PHKB: variants seen among roughly 807,000 people sequenced by gnomAD.
PHKB encodes the protein phosphorylase b kinase regulatory subunit beta.
PHKB carries 122 observed loss-of-function variants against 152.1 expected under a neutral mutation model. That is an observed-to-expected ratio of 0.80 (90% CI 0.69 to 0.93). The LOEUF is 0.93. Ranked by LOEUF, PHKB falls within the 40% of genes least tolerant of loss-of-function variation. The probability of loss-of-function intolerance (pLI) is 0.00; values close to 1 mark genes in which losing one functional copy is unlikely to be tolerated. For missense variants in PHKB, 1,304 were observed against 1,328.4 expected (o/e 0.98, Z 0.29); for synonymous variants, 436 against 464.9 (o/e 0.94, Z 0.80).
rs770163832 is a variant in PHKB, at chr16:47,693,443, G to A, written c.2831G>A (p.Arg944Gln). Reference sequence around the variant, plus strand: ...AGAACTCCCACCGGGTTCTATGACCGAGTGTGGCAGATTCTGGAGCGCACG... The same window carrying A: ...AGAACTCCCACCGGGTTCTATGACCAAGTGTGGCAGATTCTGGAGCGCACG... ...LNRTPTGFYD[R>Q]VWQILERTPN... The change falls in exon 28 of 31, where the codon CGA becomes CAA. Residue 944 changes from arginine (R) to glutamine (Q), a missense_variant. Coordinates refer to ENST00000323584, the MANE Select transcript of PHKB (RefSeq NM_000293.3). The A allele has an allele frequency of 1.1e-5, 17 of 1,613,830 alleles. No individual in the cohort carries two copies. The highest frequency in any genetic ancestry group is 6.7e-5 in the African/African-American group (5 of 74,892).
At chr16:47,522,012 A>G (rs1335263818) in intron 6 of PHKB, among the ~76,000 whole-genome samples, 1 of 152,134 alleles carries the variant, frequency 6.6e-6, no homozygotes, top group Admixed American at 6.5e-5. Flanking sequence ...ATATTGGTAT[A>G]TATCCATTCT....
At chr16:47,521,166 T>C (rs1327532575) in intron 6 of PHKB, among the ~76,000 whole-genome samples, 1 of 152,254 alleles carries the variant, frequency 6.6e-6, no homozygotes, top group Non-Finnish European at 1.5e-5. Context: ...AGGTTTTCTA[T>C]GTAGAATATT....
At chr16:47,526,473 T>G (rs948685470) in intron 6 of PHKB, among the ~76,000 whole-genome samples, 1 of 151,822 alleles carries the variant, frequency 6.6e-6, no homozygotes, top group African/African-American at 2.4e-5. Flanking sequence ...AGGTTGAGAG[T>G]TGGGACTGAA....
chr16:47,591,684 A>G (rs879791839), intron 10 of PHKB, among the ~76,000 whole-genome samples: 1 of 151,930 alleles, frequency 6.6e-6, no homozygotes, highest in Non-Finnish European at 1.5e-5. Context: ...ACAGATCTCC[A>G]TCCCTAACTC....
chr16:47,511,280 T>A (rs1261291036), intron 4 of PHKB, among the ~76,000 whole-genome samples: 1 of 152,266 alleles, frequency 6.6e-6, no homozygotes, highest in East Asian at 1.9e-4. Flanking sequence ...TTTTTCATTA[T>A]GAGTGTCATG....
intron 16 of PHKB, 24 bp from the exon 17 acceptor site, chr16:47,648,509 A>C: frequency 6.6e-7 from 1 of 1,510,220 alleles, no homozygotes; most frequent in Non-Finnish European, 9.2e-7. Flanking sequence ...ACCTGACTCT[A>C]ATTTACAAAC....
intron 7 of PHKB, among the ~76,000 whole-genome samples, chr16:47,556,527 C>G (rs1971372977): frequency 6.6e-6 from 1 of 152,166 alleles, no homozygotes; most frequent in Non-Finnish European, 1.5e-5. Flanking sequence ...TTGAGATAAT[C>G]ATGTGGTTTT....
Position 47,589,043 on chromosome 16 carries a change from G to T in PHKB, c.1009G>T (p.Gly337Trp). 1.2e-6 allele frequency: 2 copies of T among 1,613,562 alleles called. No individual in the cohort carries two copies. Among genetic ancestry groups the T allele is most frequent in the Non-Finnish European group, 1.7e-6 (2 of 1,179,532 alleles). Residue 337 changes from glycine (G) to tryptophan (W), a missense_variant, in exon 10 of 31, where the codon GGG becomes TGG. Transcript: ENST00000323584. ...TGGATTTAAACGTTTCTTGAGAGAT[G>T]GGTATAGAACATCATTGGAAGATCC... ...KYGFKRFLRD[G>W]YRTSLEDPNR...
intron 13 of PHKB, among the ~76,000 whole-genome samples, chr16:47,608,876 G>A (rs1972375424): frequency 1.3e-5 from 2 of 152,106 alleles, no homozygotes; most frequent in Non-Finnish European, 2.9e-5. Flanking sequence ...TTTCCAATCT[G>A]ATACTTTTTA....
chr16:47,543,849 C>A (rs544843561), intron 6 of PHKB, among the ~76,000 whole-genome samples: 9 of 152,024 alleles, frequency 5.9e-5, no homozygotes, highest in African/African-American at 1.7e-4. Context: ...TGGTGATATC[C>A]CCTTTATCAT....
At chr16:47,476,612 A>G (rs543440940) in intron 1 of PHKB, among the ~76,000 whole-genome samples, 1 of 152,304 alleles carries the variant, frequency 6.6e-6, no homozygotes, top group African/African-American at 2.4e-5. Context: ...CATTATATTG[A>G]TACTTATACC....
rs536488837 is a variant in PHKB at position 47,678,913 on chromosome 16, G to T, written c.2630+9496G>T. On this transcript the variant is annotated intron_variant, in intron 26 of 30. Transcript: ENST00000323584. ...GTTTTTATGGTTTTAGGTCTAACAT[G>T]TAAGTCTTTAATCCATCTTGAATTG... 1.6e-3 allele frequency among the ~76,000 whole-genome samples: 243 copies of T among 152,226 alleles called. 1 individual carries two copies. The highest frequency in any genetic ancestry group is 1.6e-3 in the Non-Finnish European group (112 of 68,006).
chr16:47,641,059 G>T lies in PHKB; in HGVS notation c.1483G>T (p.Val495Phe). Residue 495 changes from valine (V) to phenylalanine (F), a missense_variant, in exon 15 of 31, where the codon GTT (valine) becomes TTT (phenylalanine). By Grantham distance (50) the Val-to-Phe change is conservative. Coordinates refer to ENST00000323584, the MANE Select transcript of PHKB (RefSeq NM_000293.3). The part of the protein sequence containing the change: ...NQGPLENDLV[V>F]HVALIAESQR... ...GGGCCCACTGGAAAATGACTTGGTA[G>T]TTCATGTGGCACTTATAGCAGAAAG... 2 of 1,613,966 alleles carry T rather than the reference G, an allele frequency of 1.2e-6. No individual in the cohort carries two copies. The highest frequency in any genetic ancestry group is 1.7e-6 in the Non-Finnish European group (2 of 1,179,934).
intron 16 of PHKB, among the ~76,000 whole-genome samples, chr16:47,647,744 GC>G (rs1485543832): frequency 6.6e-6 from 1 of 150,682 alleles, no homozygotes; most frequent in African/African-American, 2.4e-5. Flanking sequence ...TGATCTGCCC[GC>G]CTCGGCTTCC....
intron 20 of PHKB, among the ~76,000 whole-genome samples, chr16:47,655,496 C>G (rs984323703): frequency 1.3e-5 from 2 of 152,130 alleles, no homozygotes; most frequent in African/African-American, 4.8e-5. Flanking sequence ...GGAGAGTTTT[C>G]ATTTCATTTG....
In PHKB at chr16:47,474,981, C is replaced by T. The variant is rs577122848; in HGVS notation, c.76+13555C>T. Among the ~76,000 whole-genome samples the T allele has an allele frequency of 2.1e-4, 32 of 152,296 alleles. 1 individual carries two copies. Among genetic ancestry groups the T allele is most frequent in the Admixed American group, 5.2e-4 (8 of 15,300 alleles). On this transcript the variant is annotated intron_variant, in intron 1 of 30. Transcript: ENST00000323584. ...TCAGGTGATCCTCCCGCCTCAGCCT[C>T]CCAGAGTGCTGGTATTACAGGTGTG...
In PHKB at chr16:47,661,798, A is replaced by G. The variant is rs1461787148; in HGVS notation, c.2276A>G (p.Glu759Gly). Residue 759 changes from glutamate to glycine, a missense_variant and splice_region_variant, in exon 23 of 31, where the codon GAA becomes GGA. Physicochemically the swap from Glu to Gly is moderately conservative, Grantham distance 98. Transcript: ENST00000323584. ...KREGPNFITK[E>G]GTVSDHIERV... ...GAAGGCCCCAACTTCATCACAAAGGAAGGTAAGCATGCATGTCTAGGAGAA... is the reference window on the plus strand; with the variant it reads ...GAAGGCCCCAACTTCATCACAAAGGGAGGTAAGCATGCATGTCTAGGAGAA... 2.5e-6 allele frequency: 4 copies of G among 1,606,750 alleles called. No homozygotes were observed. The Admixed American group carries it at 6.7e-5, about 27-fold the overall frequency.
In PHKB at chr16:47,499,860, G is replaced by T; in HGVS notation, c.271G>T (p.Ala91Ser). ...CAAGATCCAGGACAGCCTATACTGC[G>T]CTGCTGGGGCCTGGGCTTTGGCTCT... ...KAKIQDSLYCAAGAWALALAY... is the reference protein window; with the variant it reads ...KAKIQDSLYCSAGAWALALAY... The change falls in exon 3 of 31, where the codon GCT (alanine) becomes TCT (serine). Residue 91 changes from alanine to serine, a missense_variant. Physicochemically the swap from Ala to Ser is moderately conservative, Grantham distance 99. Transcript: ENST00000323584. The T allele has an allele frequency of 1.2e-6, 2 of 1,614,150 alleles. No homozygotes were observed. Among genetic ancestry groups the T allele is most frequent in the Non-Finnish European group, 1.7e-6 (2 of 1,180,020 alleles).
intron 2 of PHKB, 60 bp downstream of exon 2, chr16:47,497,548 C>G: frequency 2.0e-6 from 2 of 990,454 alleles, no homozygotes; most frequent in Non-Finnish European, 3.2e-6. Flanking sequence ...TCCCCTTGCC[C>G]TAGTTAAATT....
Sources: gnomAD v4.1 joint callset for allele counts (sites outside exome capture counted in the v4.1 genomes callset) on GRCh38, gnomAD v4.1.1 for gene constraint, MANE v1.5 for transcripts, NCBI Gene and HGNC (gene_info 2026-07-23, HGNC 2026-07-21) for gene names.